Variants in LHFPL3 observed in about 807,000 individuals in gnomAD.
LHFPL3 encodes the protein LHFPL tetraspan subfamily member 3.
A neutral mutation model predicts 19.3 loss-of-function variants in LHFPL3; 5 were observed. That is an observed-to-expected ratio of 0.26 (90% CI 0.14 to 0.54). The LOEUF is 0.54. Among genes scored for constraint, LHFPL3 ranks in the 20% least tolerant of loss-of-function variants. LHFPL3 has a pLI of 0.94. For missense variants in LHFPL3, 249 were observed against 307.4 expected, an observed-to-expected ratio of 0.81 and a Z score of 1.42; for synonymous variants, 133 against 126.2, an observed-to-expected ratio of 1.05 and a Z score of -0.36.
chr7:104,854,258 G>A (rs1305638149), intron 2 of LHFPL3, among the ~76,000 whole-genome samples: 2 of 145,718 alleles, frequency 1.4e-5, no homozygotes, highest in Middle Eastern at 3.8e-3. Context: ...GAAAAGCATG[G>A]TAAACAAGTG....
At chr7:104,654,474 G>A (rs955860261) in intron 1 of LHFPL3, among the ~76,000 whole-genome samples, 13 of 152,128 alleles carry the variant, frequency 8.5e-5, no homozygotes, top group Non-Finnish European at 1.9e-4. Context: ...ATCAGAGTTG[G>A]ATCTGCATCC....
intron 1 of LHFPL3, among the ~76,000 whole-genome samples, chr7:104,522,944 T>A (rs1371122386): frequency 1.3e-5 from 2 of 150,572 alleles, no homozygotes; most frequent in African/African-American, 4.9e-5. Context: ...CAGGGTCATC[T>A]GCTGTCTGTC....
chr7:104,563,431 A>G (rs190808132), intron 1 of LHFPL3, among the ~76,000 whole-genome samples: 22 of 152,426 alleles, frequency 1.4e-4, no homozygotes, highest in African/African-American at 5.3e-4. Flanking sequence ...TTCGGGTGGG[A>G]GTGACCCGAT....
chr7:104,665,128 C>G (rs984809242), intron 1 of LHFPL3, among the ~76,000 whole-genome samples: 11 of 152,134 alleles, frequency 7.2e-5, no homozygotes, highest in Non-Finnish European at 1.2e-4. Context: ...CATAAGACTG[C>G]TAATGTAAAA....
At chr7:104,837,099 T>A (rs942104282) in intron 2 of LHFPL3, among the ~76,000 whole-genome samples, 2 of 152,160 alleles carry the variant, frequency 1.3e-5, no homozygotes, top group African/African-American at 4.8e-5. Flanking sequence ...CTGCCACCGA[T>A]GGGTTGTGTT....
intron 1 of LHFPL3, among the ~76,000 whole-genome samples, chr7:104,671,416 G>A (rs188605784): frequency 1.6e-3 from 237 of 151,742 alleles, no homozygotes; most frequent in African/African-American, 5.3e-3. Flanking sequence ...TTAATGTCCC[G>A]CTCCTGAATA....
chr7:104,403,421 C>T (rs1416362178), intron 1 of LHFPL3, among the ~76,000 whole-genome samples: 3 of 152,200 alleles, frequency 2.0e-5, no homozygotes, highest in South Asian at 2.1e-4. Context: ...TCTTATTCAT[C>T]TCTGCATCCT....
intron 1 of LHFPL3, among the ~76,000 whole-genome samples, chr7:104,532,316 G>GTTTTTTTTT: frequency 1.6e-5 from 1 of 63,310 alleles, no homozygotes; most frequent in East Asian, 5.0e-4. Flanking sequence ...TTTTCTTTCT[G>GTTTTTTTTT]TCTTTTTTTT....
At chr7:104,501,055 A>G (rs1315716721) in intron 1 of LHFPL3, among the ~76,000 whole-genome samples, 2 of 152,140 alleles carry the variant, frequency 1.3e-5, no homozygotes, top group African/African-American at 4.8e-5. Flanking sequence ...TTGCCTCTGC[A>G]TCTTTATCTT....
chr7:104,447,864 G>A (rs187243740), intron 1 of LHFPL3, among the ~76,000 whole-genome samples: 178 of 152,076 alleles, frequency 1.2e-3, no homozygotes, highest in African/African-American at 3.9e-3. Context: ...GGAAACATCC[G>A]TTTATCTGAA....
chr7:104,640,344 TCC>T (rs1351596268), intron 1 of LHFPL3, among the ~76,000 whole-genome samples: 1 of 152,184 alleles, frequency 6.6e-6, no homozygotes, highest in Non-Finnish European at 1.5e-5. Context: ...ATTGTTCAGC[TCC>T]CACTTATGAG....
At chr7:104,491,194 A>T (rs745621534) in intron 1 of LHFPL3, among the ~76,000 whole-genome samples, 1 of 152,112 alleles carries the variant, frequency 6.6e-6, no homozygotes, top group Non-Finnish European at 1.5e-5. Flanking sequence ...GACTTCACAG[A>T]CTTACCTTTT....
intron 1 of LHFPL3, among the ~76,000 whole-genome samples, chr7:104,557,653 T>C (rs1789875394): frequency 6.6e-6 from 1 of 152,122 alleles, no homozygotes; most frequent in Non-Finnish European, 1.5e-5. Flanking sequence ...TTAATCTGTT[T>C]TTTATTTTTT....
intron 1 of LHFPL3, among the ~76,000 whole-genome samples, chr7:104,658,578 A>G (rs1792161436): frequency 6.6e-6 from 1 of 152,108 alleles, no homozygotes; most frequent in African/African-American, 2.4e-5. Context: ...AGGCAGGTGG[A>G]TCACTTGAGG....
At chr7:104,784,732 A>G (rs1308634427) in intron 2 of LHFPL3, among the ~76,000 whole-genome samples, 1 of 152,242 alleles carries the variant, frequency 6.6e-6, no homozygotes, top group African/African-American at 2.4e-5. Flanking sequence ...GAATGAATAA[A>G]CAAAATGTCA....
chr7:104,433,854 G>A (rs1792047994), intron 1 of LHFPL3, among the ~76,000 whole-genome samples: 1 of 151,998 alleles, frequency 6.6e-6, no homozygotes, highest in African/African-American at 2.4e-5. Context: ...AGATCCTTGG[G>A]TCTTGATCAT....
At chr7:104,678,769 A>C (rs1792639910) in intron 1 of LHFPL3, among the ~76,000 whole-genome samples, 1 of 152,238 alleles carries the variant, frequency 6.6e-6, no homozygotes, top group African/African-American at 2.4e-5. Flanking sequence ...CTTTCATTAC[A>C]TTGCAATTAA....
intron 1 of LHFPL3, among the ~76,000 whole-genome samples, chr7:104,597,167 T>C (rs1790880453): frequency 6.6e-6 from 1 of 152,228 alleles, no homozygotes; most frequent in Non-Finnish European, 1.5e-5. Context: ...AGAAGTAACA[T>C]TATTTTATTA....
rs1491497452 is a variant in LHFPL3, at chr7:104,833,416, A to AT, written c.683-72771_683-72770insT. On this transcript the variant is annotated intron_variant, in intron 2 of 2. Coordinates refer to ENST00000424859, the MANE Select transcript of LHFPL3 (RefSeq NM_199000.3). ...ATATATATATTATATATATATATAT[A>AT]ATATATATATATATATATGCTCCTC... 4.5e-4 allele frequency among the ~76,000 whole-genome samples: 3 copies of AT among 6,636 alleles called. 1 individual carries two copies. Among genetic ancestry groups the AT allele is most frequent in the Non-Finnish European group, 7.9e-4 (3 of 3,818 alleles). The allele number at this position is 6,636 out of a possible 152,430, so 4.4% of individuals were successfully genotyped here. A position where few individuals can be genotyped will look rare whatever the true frequency, so the allele number is the denominator to read the frequency against.
Sources: gnomAD v4.1 joint callset for allele counts (sites outside exome capture counted in the v4.1 genomes callset) on GRCh38, gnomAD v4.1.1 for gene constraint, MANE v1.5 for transcripts, NCBI Gene and HGNC (gene_info 2026-07-23, HGNC 2026-07-21) for gene names.